AKAP9: variants seen among roughly 807,000 people sequenced by gnomAD.
The protein encoded by AKAP9 is A-kinase anchor protein 9.
A neutral mutation model predicts 488.5 loss-of-function variants in AKAP9; 311 were observed. The observed-to-expected ratio is 0.64, with a 90% CI of 0.58 to 0.70. AKAP9 has a LOEUF of 0.70. AKAP9 is among the 30% of genes least tolerant of loss of function. The pLI is 0.00. For missense variants in AKAP9, 4,215 were observed against 4,374.5 expected, an observed-to-expected ratio of 0.96 and a Z score of 1.03; for synonymous variants, 1,462 against 1,483.5, an observed-to-expected ratio of 0.99 and a Z score of 0.33.
intron 1 of AKAP9, among the ~76,000 whole-genome samples, chr7:91,943,190 T>C (rs1352266949): frequency 6.6e-6 from 1 of 151,678 alleles, no homozygotes; most frequent in East Asian, 1.9e-4. Flanking sequence ...CAGAATGAGA[T>C]CCTGTTTCAG....
intron 22 of AKAP9, 39 bp downstream of exon 22, chr7:92,052,997 G>A (rs769418178): frequency 1.3e-6 from 2 of 1,491,752 alleles, no homozygotes; most frequent in Non-Finnish European, 1.9e-6. Flanking sequence ...TGAGTTTGAA[G>A]TACAATATAC....
chr7:92,084,400 A>G lies in AKAP9; in HGVS notation c.8647-240A>G, dbSNP rs1009422165. Among the ~76,000 whole-genome samples the G allele has an allele frequency of 2.1e-4, 32 of 152,252 alleles. 1 individual carries two copies. Among genetic ancestry groups the G allele is most frequent in the Admixed American group, 1.6e-3 (24 of 15,284 alleles). On this transcript the variant is annotated intron_variant, in intron 33 of 49. Transcript: ENST00000356239. The stretch of plus-strand genomic sequence containing the variant: ...TCCATTGCATAGAGTTAAATAATAT[A>G]TGATGTTCCTGTATGGATTTGGAAC...
intron 1 of AKAP9, among the ~76,000 whole-genome samples, chr7:91,962,079 A>T (rs1793799997): frequency 1.3e-5 from 2 of 152,156 alleles, no homozygotes; most frequent in Non-Finnish European, 2.9e-5. Context: ...CTGAATTTTC[A>T]CCATGTTTTA....
Position 92,082,828 on chromosome 7 carries a change from C to T in AKAP9, c.8160+166C>T, listed in dbSNP as rs529351064. Among the ~76,000 whole-genome samples, 4 of 152,272 alleles carry T rather than the reference C, an allele frequency of 2.6e-5. No homozygotes were observed. In the East Asian group the frequency reaches 7.7e-4, roughly 29 times the overall value. On this transcript the variant is annotated intron_variant, in intron 32 of 49. Coordinates refer to ENST00000356239, the MANE Select transcript of AKAP9 (RefSeq NM_005751.5). ...TCATTGTTATAAATTTCTTTACCAACATCTTCTTGCTTGGTTTTCCTGGAA... is the reference window on the plus strand; with the variant it reads ...TCATTGTTATAAATTTCTTTACCAATATCTTCTTGCTTGGTTTTCCTGGAA...
In AKAP9 at chr7:92,038,573, T is replaced by C; in HGVS notation, c.4493T>C (p.Ile1498Thr). The stretch of plus-strand genomic sequence containing the variant: ...GAAATGAAATTATCACAGGATCAAA[T>C]TGGTTTTCAGACTTTTGAGACAGTG... ...FNEMKLSQDQ[I>T]GFQTFETVDV... The change falls in exon 17 of 50, where the codon ATT becomes ACT. Residue 1498 changes from isoleucine to threonine, a missense_variant. Around this residue, in one of 5 missense-constraint regions of AKAP9, gnomAD observed 2,361 missense variants for 2,430.0 expected, o/e 0.97. Transcript: ENST00000356239. 5 of 1,613,918 alleles carry C rather than the reference T, an allele frequency of 3.1e-6. No homozygotes were observed. Among genetic ancestry groups the C allele is most frequent in the Non-Finnish European group, 4.2e-6 (5 of 1,179,914 alleles).
chr7:92,105,861 G>C, intron 47 of AKAP9, 98 bp downstream of exon 47: 7 of 1,094,358 alleles, frequency 6.4e-6, no homozygotes, highest in Non-Finnish European at 9.8e-6. Context: ...TGGCCTGTTA[G>C]GAACCAGGCC....
At chr7:92,009,501 C>A (rs544194059) in intron 8 of AKAP9, among the ~76,000 whole-genome samples, 2 of 152,110 alleles carry the variant, frequency 1.3e-5, no homozygotes, top group Non-Finnish European at 2.9e-5. Flanking sequence ...CTCCTCCAAC[C>A]AGAAATATTA....
rs138076819 is a variant in AKAP9 at position 92,046,604 on chromosome 7, C to G, written c.5368+1391C>G. On this transcript the variant is annotated intron_variant, in intron 21 of 49. Coordinates refer to ENST00000356239, the MANE Select transcript of AKAP9 (RefSeq NM_005751.5). ...GCTGAAATAATACTGAATTTTAAAC[C>G]TTGCTTTCAAATTCACTCTTTTCAA... is the stretch of plus-strand genomic sequence containing the variant. Among the ~76,000 whole-genome samples the G allele has an allele frequency of 3.5e-3, 535 of 152,116 alleles. 4 individuals carry two copies. Among genetic ancestry groups the G allele is most frequent in the African/African-American group, 0.012 (506 of 41,494 alleles).
intron 1 of AKAP9, among the ~76,000 whole-genome samples, chr7:91,945,034 G>T (rs983900802): frequency 6.6e-6 from 1 of 152,138 alleles, no homozygotes. Flanking sequence ...AACTGAGGTT[G>T]ACAGAATACT....
Position 92,016,278 on chromosome 7 carries a change from C to T in AKAP9, c.3751+11C>T. The T allele has an allele frequency of 1.3e-6, 2 of 1,488,806 alleles. No individual in the cohort carries two copies. Among genetic ancestry groups the T allele is most frequent in the South Asian group, 1.1e-5 (1 of 87,130 alleles). The allele number at this position is 1,488,806 out of a possible 1,614,324, so 92.2% of individuals were successfully genotyped here. A position where few individuals can be genotyped will look rare whatever the true frequency, so the allele number is the denominator to read the frequency against. On this transcript the variant is annotated intron_variant, in intron 11 of 49. Transcript: ENST00000356239. The stretch of plus-strand genomic sequence containing the variant: ...GATATGAAGTTCAAGGTAATAAAAG[C>T]TTACCATACTATTAAACAGTATTTA...
At chr7:91,949,010 C>G (rs1791864283) in intron 1 of AKAP9, among the ~76,000 whole-genome samples, 1 of 152,186 alleles carries the variant, frequency 6.6e-6, no homozygotes, top group Non-Finnish European at 1.5e-5. Context: ...CTCGGCCTCC[C>G]AAAGTGCTGG....
intron 38 of AKAP9, chr7:92,092,290 A>AG (rs1373211786): frequency 1.3e-5 from 2 of 152,280 alleles, no homozygotes; most frequent in South Asian, 2.1e-4. Flanking sequence ...CGGTATCCAA[A>AG]GGGGGGTTTG....
intron 17 of AKAP9, 24 bp from the exon 18 acceptor site, chr7:92,040,646 GTTTT>G: frequency 9.8e-5 from 110 of 1,117,960 alleles, no homozygotes; most frequent in Middle Eastern, 2.1e-4. Flanking sequence ...TGGTTGAATT[GTTTT>G]TTTTTTTTTT....
chr7:92,078,528 T>C (rs1387688403), intron 30 of AKAP9, among the ~76,000 whole-genome samples: 1 of 151,286 alleles, frequency 6.6e-6, no homozygotes, highest in Non-Finnish European at 1.5e-5. Flanking sequence ...AGCCTCATCA[T>C]GCCACTGCAC....
intron 28 of AKAP9, among the ~76,000 whole-genome samples, chr7:92,075,553 G>A (rs563180805): frequency 1.3e-5 from 2 of 152,310 alleles, no homozygotes; most frequent in African/African-American, 4.8e-5. Flanking sequence ...AGTTTAGAGT[G>A]GAAGATTCAG....
chr7:91,954,464 C>T (rs534720020), intron 1 of AKAP9, among the ~76,000 whole-genome samples: 2 of 152,216 alleles, frequency 1.3e-5, no homozygotes, highest in South Asian at 4.1e-4. Context: ...TTTATAGAGG[C>T]AGGGTCTCAC....
intron 28 of AKAP9, among the ~76,000 whole-genome samples, chr7:92,072,554 G>T (rs62465419): frequency 0.099 from 15,089 of 152,166 alleles, 980 homozygotes; most frequent in Middle Eastern, 0.23. Flanking sequence ...CATGGTATTT[G>T]AGATACTTTT....
chr7:92,105,860 A>C, intron 47 of AKAP9, 97 bp downstream of exon 47: 5 of 1,114,980 alleles, frequency 4.5e-6, no homozygotes, highest in Non-Finnish European at 6.8e-6. Flanking sequence ...GTGGCCTGTT[A>C]GGAACCAGGC....
At chr7:91,979,077 C>T (rs1303361554) in intron 2 of AKAP9, among the ~76,000 whole-genome samples, 23 of 151,830 alleles carry the variant, frequency 1.5e-4, no homozygotes, top group Admixed American at 1.2e-3. Flanking sequence ...CACACCTGGC[C>T]GAACTTTTCT....
Sources: allele counts gnomAD v4.1 joint callset (sites outside exome capture counted in the v4.1 genomes callset), GRCh38; gene constraint gnomAD v4.1.1; regional missense constraint gnomAD v4.1.1; transcripts MANE v1.5; gene names NCBI Gene and HGNC (gene_info 2026-07-23, HGNC 2026-07-21).